The following POLR3A variants were observed in gnomAD, a reference collection of about 807,000 sequenced individuals.
The protein encoded by POLR3A is RNA polymerase III subunit A.
In POLR3A, 112 loss-of-function variants were observed where a neutral mutation model predicts 152.8. That is an observed-to-expected ratio of 0.73 (90% confidence interval 0.63 to 0.86). POLR3A has a LOEUF of 0.86. Among genes scored for constraint, POLR3A ranks in the 40% least tolerant of loss-of-function variants. The pLI is 0.00. For synonymous variants in POLR3A, 615 were observed against 652.1 expected, an observed-to-expected ratio of 0.94 and a Z score of 0.87; for missense variants, 1,385 against 1,743.1, an observed-to-expected ratio of 0.79 and a Z score of 3.66.
At chr10:78,009,389 AC>A in intron 14 of POLR3A, 147 bp downstream of exon 14, 1 of 1,024,136 alleles carries the variant, frequency 9.8e-7, no homozygotes, top group Admixed American at 1.8e-5. Context: ...AAAACCAGCT[AC>A]ATTTTCCTGA....
At chr10:78,004,951 C>T in intron 15 of POLR3A, 63 bp from the exon 16 acceptor site, 1 of 1,232,910 alleles carries the variant, frequency 8.1e-7, no homozygotes, top group Admixed American at 1.7e-5. Flanking sequence ...CTACTAAATA[C>T]AGTTTATGCC....
At chr10:77,982,992 A>AAAG (rs1847163178) in intron 26 of POLR3A, among the ~76,000 whole-genome samples, 175 bp from the exon 27 acceptor site, 1 of 152,210 alleles carries the variant, frequency 6.6e-6, no homozygotes, top group South Asian at 2.1e-4. Flanking sequence ...ATGTGTATAT[A>AAAG]TATCTATGCT....
At chr10:77,978,157 C>T (rs1443596065) in intron 30 of POLR3A, among the ~76,000 whole-genome samples, 1 of 152,108 alleles carries the variant, frequency 6.6e-6, no homozygotes, top group Non-Finnish European at 1.5e-5. Flanking sequence ...GATCTACAGC[C>T]CTGATGAGAA....
In POLR3A at chr10:78,025,159, A is replaced by C; in HGVS notation, c.319-17T>G. On this transcript the variant is annotated splice_polypyrimidine_tract_variant and intron_variant, in intron 3 of 30. Transcript: ENST00000372371. ...GCAGATCATCTTTTTCAAATTAAGCAAGACAGATAAAAGCATAAGTGAGAA... is the reference window on the plus strand; with the variant it reads ...GCAGATCATCTTTTTCAAATTAAGCCAGACAGATAAAAGCATAAGTGAGAA... The C allele has an allele frequency of 6.2e-7, 1 of 1,613,708 alleles. No individual in the cohort carries two copies. The highest frequency in any genetic ancestry group is 8.5e-7 in the Non-Finnish European group (1 of 1,179,594).
chr10:78,025,771 A>C lies in POLR3A; in HGVS notation c.181-12T>G, dbSNP rs1847628074. The C allele has an allele frequency of 6.2e-7, 1 of 1,613,678 alleles. No homozygotes were observed. The highest frequency in any genetic ancestry group is 1.3e-5 in the African/African-American group (1 of 74,890). ...TTCTCACTCGTACCCTTTGAAAAAA[A>C]GCACACCCAATGATCAACACAGACT... On this transcript the variant is annotated splice_polypyrimidine_tract_variant and intron_variant, in intron 2 of 30. Coordinates refer to ENST00000372371, the MANE Select transcript of POLR3A (RefSeq NM_007055.4).
chr10:77,991,209 A>G, intron 20 of POLR3A, 42 bp from the exon 21 acceptor site: 1 of 1,135,362 alleles, frequency 8.8e-7, no homozygotes, highest in Non-Finnish European at 1.3e-6. Flanking sequence ...TGGGTGCCAC[A>G]GAGAGCAGGC....
intron 29 of POLR3A, 142 bp from the exon 30 acceptor site, chr10:77,980,415 G>A: frequency 2.6e-6 from 2 of 759,336 alleles, no homozygotes; most frequent in Admixed American, 2.0e-5. Context: ...GGAGCTATGG[G>A]TCCGCCCTCT....
chr10:78,005,569 G>T (rs1396144950), intron 15 of POLR3A, among the ~76,000 whole-genome samples: 1 of 152,256 alleles, frequency 6.6e-6, no homozygotes, highest in Non-Finnish European at 1.5e-5. Context: ...AGCAGGATAG[G>T]AAGGTATGAC....
intron 21 of POLR3A, among the ~76,000 whole-genome samples, chr10:77,990,688 T>A (rs1049011176): frequency 6.7e-6 from 1 of 149,896 alleles, no homozygotes; most frequent in Non-Finnish European, 1.5e-5. Context: ...GCCATCCCGG[T>A]GTACTGCAAC....
chr10:78,015,475 G>A (rs891262984), intron 10 of POLR3A, among the ~76,000 whole-genome samples: 6 of 151,720 alleles, frequency 4.0e-5, no homozygotes, highest in South Asian at 4.1e-4. Flanking sequence ...TTACAGGCAC[G>A]TGCCACCACA....
At chr10:78,002,403 T>C (rs1396442097) in intron 16 of POLR3A, 95 bp from the exon 17 acceptor site, 1 of 859,836 alleles carries the variant, frequency 1.2e-6, no homozygotes, top group Non-Finnish European at 1.9e-6. Context: ...TTGAAAATAC[T>C]GAGGCAAGAT....
At chr10:78,004,464 A>G (rs1847390956) in intron 16 of POLR3A, among the ~76,000 whole-genome samples, 1 of 152,130 alleles carries the variant, frequency 6.6e-6, no homozygotes, top group Non-Finnish European at 1.5e-5. Flanking sequence ...GAAAGTTAGG[A>G]GGGACATGAG....
intron 21 of POLR3A, among the ~76,000 whole-genome samples, chr10:77,989,183 A>G (rs531243612): frequency 1.2e-4 from 19 of 152,364 alleles, no homozygotes; most frequent in African/African-American, 4.6e-4. Context: ...ACCCATGCAT[A>G]CTAGAGGGAA....
chr10:78,029,513 T>G lies in POLR3A; in HGVS notation c.-106A>C, dbSNP rs1028376384. ...CTTCTGGACTCGCCGCTAACACATC[T>G]GCGGCATCCTCTCGGCCACCGTAGA... On this transcript the variant is annotated 5_prime_UTR_variant, in exon 1 of 31. Transcript: ENST00000372371. 4 of 1,105,232 alleles carry G rather than the reference T, an allele frequency of 3.6e-6. No homozygotes were observed. The Admixed American group carries it at 7.2e-5, about 20-fold the overall frequency. 68.5% of individuals were successfully genotyped at this position (1,105,232 alleles called of 1,614,324 possible).
At position 78,009,575 on chromosome 10, in the gene POLR3A, T is replaced by C. The variant is rs754278106; in HGVS notation, c.1871A>G (p.Tyr624Cys). The change falls in exon 14 of 31, where the codon TAC (tyrosine) becomes TGC (cysteine). Residue 624 changes from tyrosine (Y) to cysteine (C), a missense_variant. By Grantham distance (194) the Tyr-to-Cys change is radical (BLOSUM62 -2). This residue lies in a region of POLR3A where 188 missense variants were observed against 179.9 expected (regional missense o/e 1.04). Transcript: ENST00000372371. Reference protein sequence around the residue: ...RANLRTKGKQYCGKGEDLCAN... With the variant: ...RANLRTKGKQCCGKGEDLCAN... ...ACAGAGATCTTCCCCTTTGCCACAGTACTGCTTGCCCTTGGTTCGCAGGTT... is the reference window on the plus strand; with the variant it reads ...ACAGAGATCTTCCCCTTTGCCACAGCACTGCTTGCCCTTGGTTCGCAGGTT... The C allele has an allele frequency of 1.9e-6, 3 of 1,614,206 alleles. No homozygotes were observed. Among genetic ancestry groups the C allele is most frequent in the South Asian group, 1.1e-5 (1 of 91,088 alleles).
At chr10:77,997,022 A>G (rs971149989) in intron 19 of POLR3A, among the ~76,000 whole-genome samples, 2 of 152,216 alleles carry the variant, frequency 1.3e-5, no homozygotes, top group Non-Finnish European at 2.9e-5. Context: ...ACAGATCAAT[A>G]AATGTAATCC....
In POLR3A at chr10:77,982,688, A is replaced by G. The variant is rs1263507166; in HGVS notation, c.3559T>C (p.Tyr1187His). ...TCCTCTTTCAGGAACTGCAGCACGT[A>G]GTACATGGAGCTCTTGCTGTTCTCT... ...PRENSKSSMYYVLQFLKEDLP... is the reference protein window; with the variant it reads ...PRENSKSSMYHVLQFLKEDLP... Residue 1187 changes from tyrosine to histidine, a missense_variant, in exon 27 of 31, where the codon TAC becomes CAC. Tyr to His is a moderately conservative substitution (Grantham distance 83). Around this residue, in one of 7 missense-constraint regions of POLR3A, gnomAD observed 332 missense variants for 400.1 expected, o/e 0.83. Coordinates refer to ENST00000372371, the MANE Select transcript of POLR3A (RefSeq NM_007055.4). 6.2e-7 allele frequency: 1 copy of G among 1,613,784 alleles called. No homozygotes were observed. Among genetic ancestry groups the G allele is most frequent in the South Asian group, 1.1e-5 (1 of 91,048 alleles).
chr10:78,023,347 C>T (rs908177057), intron 5 of POLR3A, among the ~76,000 whole-genome samples: 4 of 150,846 alleles, frequency 2.7e-5, no homozygotes, highest in Admixed American at 6.6e-5. Flanking sequence ...GTAGTCCCAG[C>T]AACTCGGGAG....
At chr10:78,004,609 C>T (rs1847392395) in intron 16 of POLR3A, 107 bp downstream of exon 16, 7 of 887,652 alleles carry the variant, frequency 7.9e-6, no homozygotes, top group Admixed American at 4.0e-5. Flanking sequence ...CCTTGACTTG[C>T]CCACTCCTTT....
Sources: allele counts gnomAD v4.1 joint callset (sites outside exome capture counted in the v4.1 genomes callset), GRCh38; gene constraint gnomAD v4.1.1; regional missense constraint gnomAD v4.1.1; transcripts MANE v1.5; gene names NCBI Gene and HGNC (gene_info 2026-07-23, HGNC 2026-07-21).